The following MIA2 variants were observed in gnomAD, a reference collection of about 807,000 sequenced individuals.
MIA2 encodes MIA SH3 domain ER export factor 2, also known as melanoma inhibitory activity protein 2.
In MIA2, 127 loss-of-function variants were observed where a neutral mutation model predicts 167.8. The ratio of observed to expected loss-of-function variants is 0.76; its 90% CI spans 0.66 to 0.88. The LOEUF (loss-of-function observed/expected upper bound fraction) is 0.88, where lower values mean the gene tolerates loss of function less well. MIA2 is among the 40% of genes least tolerant of loss of function. The pLI, the probability that MIA2 is intolerant of heterozygous loss-of-function variation, is 0.00. For missense variants in MIA2, 1,690 were observed against 1,624.7 expected, an observed-to-expected ratio of 1.04 and a Z score of -0.69; for synonymous variants, 552 against 541.9, an observed-to-expected ratio of 1.02 and a Z score of -0.26.
At chr14:39,333,978 AG>A (rs1206303380) in intron 25 of MIA2, among the ~76,000 whole-genome samples, 1 of 152,252 alleles carries the variant, frequency 6.6e-6, no homozygotes, top group East Asian at 1.9e-4. Context: ...GTCATAGACA[AG>A]GGTAATTCTA....
chr14:39,352,224 C>CT (rs1293001247), downstream of MIA2, among the ~76,000 whole-genome samples: 18 of 133,302 alleles, frequency 1.4e-4, no homozygotes, highest in Middle Eastern at 4.7e-3. Flanking sequence ...TGGTTGAATA[C>CT]TTTCATCATG....
At position 39,303,490 on chromosome 14, in the gene MIA2, A is replaced by C. The variant is rs2062845606; in HGVS notation, c.2753A>C (p.Lys918Thr). 3.1e-6 allele frequency: 5 copies of C among 1,611,006 alleles called. No individual in the cohort carries two copies. The highest frequency in any genetic ancestry group is 3.3e-5 in the Admixed American group (2 of 59,712). The change falls in exon 16 of 29, where the codon AAA (lysine) becomes ACA (threonine). Residue 918 changes from lysine (K) to threonine (T), a missense_variant. Transcript: ENST00000640607. ...ENGAYLDNPP[K>T]GALKKLIHAA... ...ATTTTCACTGTAGATAATCCTCCAA[A>C]AGGAGCTTTGAAGAAACTGATTCAT...
At chr14:39,275,352 G>A (rs1284724609) in intron 6 of MIA2, among the ~76,000 whole-genome samples, 1 of 152,090 alleles carries the variant, frequency 6.6e-6, no homozygotes, top group Non-Finnish European at 1.5e-5. Flanking sequence ...CGTTGGCCAG[G>A]CTGGTCTCAA....
chr14:39,238,455 G>A (rs547992393), intron 2 of MIA2, among the ~76,000 whole-genome samples: 6 of 152,090 alleles, frequency 3.9e-5, no homozygotes, highest in Non-Finnish European at 8.8e-5. Context: ...TTACAGGCGT[G>A]AGCCACTATG....
chr14:39,326,622 ATTTAT>A (rs1201883161), intron 24 of MIA2, among the ~76,000 whole-genome samples: 8 of 148,114 alleles, frequency 5.4e-5, no homozygotes, highest in African/African-American at 2.0e-4. Context: ...TATATTTTAT[ATTTAT>A]TTTAAATATT....
At chr14:39,282,824 C>T (rs917891636) in intron 9 of MIA2, among the ~76,000 whole-genome samples, 1 of 152,174 alleles carries the variant, frequency 6.6e-6, no homozygotes, top group African/African-American at 2.4e-5. Flanking sequence ...CCTCTCGCCT[C>T]AGCCTCCCAA....
rs1595424160 is a variant in MIA2 at position 39,308,445 on chromosome 14, A to G, written c.2879-4A>G. On this transcript the variant is annotated splice_polypyrimidine_tract_variant and splice_region_variant and intron_variant, in intron 17 of 28. Transcript: ENST00000640607. ...TTTAATTATGACTTAAAATTTTTAT[A>G]TAGAGCATATTAAAAATCTTCAGAC... The G allele has an allele frequency of 3.4e-6, 5 of 1,489,762 alleles. No individual in the cohort carries two copies. Among genetic ancestry groups the G allele is most frequent in the Non-Finnish European group, 3.6e-6 (4 of 1,108,524 alleles). 92.3% of individuals were successfully genotyped at this position (1,489,762 alleles called of 1,614,324 possible). A position where few individuals can be genotyped will look rare whatever the true frequency, so the allele number is the denominator to read the frequency against.
intron 6 of MIA2, among the ~76,000 whole-genome samples, chr14:39,268,106 GTTT>G (rs1000359833): frequency 6.6e-6 from 1 of 151,072 alleles, no homozygotes; most frequent in East Asian, 1.9e-4. Flanking sequence ...TTCAAATTTT[GTTT>G]TTTATTTTTC....
At position 39,247,168 on chromosome 14, in the gene MIA2, A is replaced by C; in HGVS notation, c.594A>C (p.Glu198Asp). Residue 198 changes from glutamate to aspartate, a missense_variant, in exon 4 of 29, where the codon GAA (glutamate) becomes GAC (aspartate). Transcript: ENST00000640607. ...GSTSESKDWE[E>D]VVVESMEQDR... ...CCAGTGAATCAAAAGACTGGGAAGA[A>C]GTAGTTGTTGAAAGTATGGAACAGG... 6.2e-7 allele frequency: 1 copy of C among 1,614,170 alleles called. No homozygotes were observed. The highest frequency in any genetic ancestry group is 1.1e-5 in the South Asian group (1 of 91,080).
intron 23 of MIA2, chr14:39,385,721 T>A: frequency 1.1e-6 from 1 of 940,848 alleles, no homozygotes; most frequent in Non-Finnish European, 1.8e-6. Flanking sequence ...CTATAGTCCT[T>A]CTTACGTGTC....
chr14:39,247,913 A>G lies in MIA2; in HGVS notation c.1339A>G (p.Lys447Glu), dbSNP rs751062728. Residue 447 changes from lysine (K) to glutamate (E), a missense_variant, in exon 4 of 29, where the codon AAA becomes GAA. By Grantham distance (56) the Lys-to-Glu change is moderately conservative. Transcript: ENST00000640607. Reference protein sequence around the residue: ...DQIDKKPVSEKTDESDTIPYL... With the variant: ...DQIDKKPVSEETDESDTIPYL... ...AATAGACAAGAAACCAGTCTCAGAAAAAACAGACGAATCTGATACTATACC... is the reference window on the plus strand; with the variant it reads ...AATAGACAAGAAACCAGTCTCAGAAGAAACAGACGAATCTGATACTATACC... 6.9e-6 allele frequency: 11 copies of G among 1,592,334 alleles called. No individual in the cohort carries two copies. The African/African-American group carries it at 1.5e-4, about 22-fold the overall frequency.
At chr14:39,349,802 A>G (rs2074139388) in intron 28 of MIA2, among the ~76,000 whole-genome samples, 1 of 152,216 alleles carries the variant, frequency 6.6e-6, no homozygotes, top group Non-Finnish European at 1.5e-5. Flanking sequence ...ATAATGAAAG[A>G]AAAAAGTGAT....
intron 21 of MIA2, among the ~76,000 whole-genome samples, chr14:39,317,197 G>A (rs1338736578): frequency 6.6e-6 from 1 of 152,126 alleles, no homozygotes; most frequent in African/African-American, 2.4e-5. Context: ...TATCAGGAAG[G>A]TCACTTGGGA....
intron 25 of MIA2, among the ~76,000 whole-genome samples, chr14:39,328,265 T>G (rs1163110564): frequency 6.6e-6 from 1 of 152,236 alleles, no homozygotes. Flanking sequence ...CATAAATGTC[T>G]TCTTTTGAGA....
chr14:39,264,226 C>G (rs73277409), intron 6 of MIA2, among the ~76,000 whole-genome samples: 1 of 152,106 alleles, frequency 6.6e-6, no homozygotes. Context: ...TACGTTAATT[C>G]GCTTAGGATA....
At chr14:39,293,833 G>A (rs1262574647) in intron 11 of MIA2, among the ~76,000 whole-genome samples, 167 bp from the exon 12 acceptor site, 5 of 152,144 alleles carry the variant, frequency 3.3e-5, no homozygotes, top group African/African-American at 1.2e-4. Flanking sequence ...GTTACGTAAT[G>A]TTCATATAAA....
In MIA2 at chr14:39,308,529, C is replaced by G. The variant is rs748782014; in HGVS notation, c.2959C>G (p.Gln987Glu). 2.1e-5 allele frequency: 33 copies of G among 1,578,494 alleles called. No homozygotes were observed. Among genetic ancestry groups the G allele is most frequent in the Non-Finnish European group, 2.6e-5 (30 of 1,160,040 alleles). The change falls in exon 18 of 29, where the codon CAA (glutamine) becomes GAA (glutamate). Residue 987 changes from glutamine to glutamate, a missense_variant. Transcript: ENST00000640607. ...TTTTGAAAATGAGAATCAGAAGCTT[C>G]AACAGAAACTTAAAGTAATGACTGA... ...THFENENQKL[Q>E]QKLKVMTELY... is the part of the protein sequence containing the mutation.
intron 13 of MIA2, among the ~76,000 whole-genome samples, chr14:39,297,629 G>T (rs1278374615): frequency 2.0e-5 from 3 of 149,926 alleles, no homozygotes; most frequent in African/African-American, 4.9e-5. Context: ...AGAGTCTCAG[G>T]TTCCACCTCT....
chr14:39,248,259 T>G, intron 4 of MIA2, 118 bp downstream of exon 4: 1 of 735,454 alleles, frequency 1.4e-6, no homozygotes, highest in Non-Finnish European at 1.9e-6. Flanking sequence ...ACTTAGCTCT[T>G]TCATCAATTT....
Sources: allele counts gnomAD v4.1 joint callset (sites outside exome capture counted in the v4.1 genomes callset), GRCh38; gene constraint gnomAD v4.1.1; transcripts MANE v1.5; gene names NCBI Gene and HGNC (gene_info 2026-07-23, HGNC 2026-07-21).